XKR4: variants seen among roughly 807,000 people sequenced by gnomAD.
XKR4 encodes the protein XK related 4.
A neutral mutation model predicts 53.9 loss-of-function variants in XKR4; 12 were observed. The observed-to-expected ratio is 0.22, with a 90% CI of 0.14 to 0.36. The LOEUF (loss-of-function observed/expected upper bound fraction) is 0.36, where lower values mean the gene tolerates loss of function less well. Ranked by LOEUF, XKR4 falls within the 10% of genes least tolerant of loss-of-function variation. The probability of loss-of-function intolerance (pLI) is 1.00; values close to 1 mark genes in which losing one functional copy is unlikely to be tolerated. For missense variants in XKR4, 799 were observed against 859.5 expected, an observed-to-expected ratio of 0.93 and a Z score of 0.88; for synonymous variants, 354 against 362.4, an observed-to-expected ratio of 0.98 and a Z score of 0.26.
chr8:55,453,164 C>G, intron 2 of XKR4: 1 of 509,088 alleles, frequency 2.0e-6, no homozygotes, highest in Non-Finnish European at 4.0e-6. Context: ...CTCCACACCA[C>G]GTGCTCCTGC....
intron 2 of XKR4, among the ~76,000 whole-genome samples, chr8:55,521,427 T>A (rs1345895733): frequency 1.3e-5 from 2 of 152,228 alleles, no homozygotes; most frequent in Admixed American, 1.3e-4. Context: ...GAATTTGTTT[T>A]ATAATTGATG....
intron 1 of XKR4, among the ~76,000 whole-genome samples, chr8:55,346,200 C>T (rs1803638124): frequency 6.6e-6 from 1 of 151,862 alleles, no homozygotes; most frequent in South Asian, 2.1e-4. Flanking sequence ...ATTCTCCTGC[C>T]TCAGCCTTCC....
chr8:55,235,421 A>C (rs1818105524), intron 1 of XKR4, among the ~76,000 whole-genome samples: 1 of 152,212 alleles, frequency 6.6e-6, no homozygotes, highest in South Asian at 2.1e-4. Context: ...TGGATGCAAA[A>C]AATATCTGCC....
intron 1 of XKR4, among the ~76,000 whole-genome samples, chr8:55,157,319 T>C (rs75286774): frequency 0.03 from 4,589 of 151,662 alleles, 180 homozygotes; most frequent in East Asian, 0.12. Flanking sequence ...AATCTCTTTT[T>C]CTTAGGAATA....
At chr8:55,493,208 G>A (rs1026008035) in intron 2 of XKR4, among the ~76,000 whole-genome samples, 3 of 152,222 alleles carry the variant, frequency 2.0e-5, no homozygotes, top group Non-Finnish European at 2.9e-5. Flanking sequence ...AATTGGGAAA[G>A]TTGGTGGTTT....
intron 2 of XKR4, among the ~76,000 whole-genome samples, chr8:55,472,429 A>T (rs920575750): frequency 2.0e-5 from 3 of 152,124 alleles, no homozygotes; most frequent in African/African-American, 7.3e-5. Context: ...ATGAACATGC[A>T]TTGTTATGCT....
intron 2 of XKR4, among the ~76,000 whole-genome samples, chr8:55,364,894 G>A (rs372966620): frequency 1.6e-3 from 247 of 152,254 alleles, no homozygotes; most frequent in African/African-American, 5.1e-3. Context: ...CCAAAGTGCT[G>A]GGATTACAGG....
At chr8:55,465,931 A>T (rs1448860336) in intron 2 of XKR4, among the ~76,000 whole-genome samples, 9 of 152,246 alleles carry the variant, frequency 5.9e-5, no homozygotes, top group Admixed American at 5.9e-4. Flanking sequence ...TCAAAACCAC[A>T]ATGAGATACC....
chr8:55,134,292 A>T (rs1021070330), intron 1 of XKR4, among the ~76,000 whole-genome samples: 2 of 152,200 alleles, frequency 1.3e-5, no homozygotes, highest in African/African-American at 4.8e-5. Flanking sequence ...AGTTAATTTG[A>T]TTTATCAAAA....
intron 1 of XKR4, among the ~76,000 whole-genome samples, chr8:55,248,110 C>T (rs1216858788): frequency 6.6e-6 from 1 of 152,006 alleles, no homozygotes; most frequent in African/African-American, 2.4e-5. Context: ...CCACCTTGAC[C>T]TCCCAAAGTG....
intron 2 of XKR4, chr8:55,451,521 G>T: frequency 1.9e-6 from 2 of 1,043,252 alleles, no homozygotes; most frequent in Non-Finnish European, 2.9e-6. Flanking sequence ...GGGCCTTAAA[G>T]AGTCCGACTA....
chr8:55,236,434 C>T (rs1818127534), intron 1 of XKR4, among the ~76,000 whole-genome samples: 1 of 152,278 alleles, frequency 6.6e-6, no homozygotes, highest in Admixed American at 6.5e-5. Flanking sequence ...CCAGGTGAGG[C>T]TGAGACCTTT....
Position 55,166,237 on chromosome 8 carries a change from T to A in XKR4, c.806+62943T>A, listed in dbSNP as rs150623893. ...TATTTGGTTATAGAAGGTATATTCT[T>A]TTCTTTTGCCATGATGCACAGCGAC... On this transcript the variant is annotated intron_variant, in intron 1 of 2. Transcript: ENST00000327381. 3.0e-3 allele frequency among the ~76,000 whole-genome samples: 451 copies of A among 152,348 alleles called. 1 individual carries two copies. Among genetic ancestry groups the A allele is most frequent in the African/African-American group, 9.6e-3 (400 of 41,574 alleles).
chr8:55,131,265 C>T (rs1816551012), intron 1 of XKR4, among the ~76,000 whole-genome samples: 1 of 152,178 alleles, frequency 6.6e-6, no homozygotes, highest in African/African-American at 2.4e-5. Context: ...TCAGGTGATT[C>T]ATATGCACTT....
At chr8:55,470,616 C>A (rs1585592351) in intron 2 of XKR4, among the ~76,000 whole-genome samples, 1 of 152,170 alleles carries the variant, frequency 6.6e-6, no homozygotes, top group East Asian at 1.9e-4. Flanking sequence ...GACTAATACA[C>A]AAGATATATC....
At chr8:55,140,058 C>A in intron 1 of XKR4, 1 of 324,622 alleles carries the variant, frequency 3.1e-6, no homozygotes, top group East Asian at 9.2e-5. Context: ...GATTCTCATC[C>A]TATTTTATTT....
At chr8:55,163,646 G>A (rs1235216975) in intron 1 of XKR4, among the ~76,000 whole-genome samples, 2 of 152,172 alleles carry the variant, frequency 1.3e-5, no homozygotes, top group Non-Finnish European at 2.9e-5. Context: ...AGGAGTTCAA[G>A]ACCAGACTGG....
At chr8:55,127,722 C>A (rs1440289179) in intron 1 of XKR4, among the ~76,000 whole-genome samples, 2 of 94,648 alleles carry the variant, frequency 2.1e-5, no homozygotes, top group African/African-American at 4.0e-5. Flanking sequence ...CTAATGCTAT[C>A]CCTCCCCCCT....
In XKR4 at chr8:55,523,276, T is replaced by C. The variant is rs753395129; in HGVS notation, c.1007-5T>C. 5 of 1,589,790 alleles carry C rather than the reference T, an allele frequency of 3.1e-6. No homozygotes were observed. Among genetic ancestry groups the C allele is most frequent in the South Asian group, 1.2e-5 (1 of 86,716 alleles). On this transcript the variant is annotated splice_region_variant and splice_polypyrimidine_tract_variant and intron_variant, in intron 2 of 2. Coordinates refer to ENST00000327381, the MANE Select transcript of XKR4 (RefSeq NM_052898.2). Reference sequence around the variant, plus strand: ...GACACACTGTCTTCCTGTTTGCCTTTGTAGGTTTCACAGCGGCAGCTTCCC... The same window carrying C: ...GACACACTGTCTTCCTGTTTGCCTTCGTAGGTTTCACAGCGGCAGCTTCCC...
Sources: gnomAD v4.1 joint callset for allele counts (sites outside exome capture counted in the v4.1 genomes callset) on GRCh38, gnomAD v4.1.1 for gene constraint, MANE v1.5 for transcripts, NCBI Gene and HGNC (gene_info 2026-07-23, HGNC 2026-07-21) for gene names.